CIB3: variants seen among roughly 807,000 people sequenced by gnomAD.
The protein encoded by CIB3 is calcium and integrin binding family member 3, also known as calcium and integrin-binding family member 3.
CIB3 carries 22 observed loss-of-function variants against 23.4 expected under a neutral mutation model. The ratio of observed to expected loss-of-function variants is 0.94; its 90% confidence interval spans 0.67 to 1.34. The LOEUF (loss-of-function observed/expected upper bound fraction) is 1.34. Ranked by LOEUF, CIB3 falls within the 40% of genes most tolerant of loss-of-function variation. The pLI is 0.00. For missense variants in CIB3, 258 were observed against 247.3 expected (o/e 1.04, Z -0.29); for synonymous variants, 93 against 95.8 (o/e 0.97, Z 0.17).
intron 4 of CIB3, among the ~76,000 whole-genome samples, chr19:16,165,532 C>T (rs1007377768): frequency 3.3e-5 from 5 of 151,958 alleles, no homozygotes; most frequent in Non-Finnish European, 7.4e-5. Flanking sequence ...CAACCTCCAC[C>T]TCCTGGGTTC....
At chr19:16,165,553 C>T (rs1034578900) in intron 4 of CIB3, among the ~76,000 whole-genome samples, 1 of 151,958 alleles carries the variant, frequency 6.6e-6, no homozygotes, top group Non-Finnish European at 1.5e-5. Flanking sequence ...AAGTGATTCT[C>T]CTGCCTCAGC....
At position 16,164,905 on chromosome 19, in the gene CIB3, T is replaced by C. The variant is rs140479002; in HGVS notation, c.355A>G (p.Asn119Asp). Residue 119 changes from asparagine to aspartate, a missense_variant, in exon 5 of 6, where the codon AAC (asparagine) becomes GAC (aspartate). Asn to Asp is a conservative substitution (Grantham distance 23). Transcript: ENST00000269878. ...TCCCACGCACAAATGTAGTCGTCGT[T>C]GTTAAAATCTGCAGAGCAGGATGGA... ...YYAFKIYDFNNDDYICAWDLE... is the reference protein window; with the variant it reads ...YYAFKIYDFNDDDYICAWDLE... 5.6e-5 allele frequency: 91 copies of C among 1,613,782 alleles called. No homozygotes were observed. Among genetic ancestry groups the C allele is most frequent in the South Asian group, 2.3e-4 (21 of 91,064 alleles).
chr19:16,172,998 GGAGA>G (rs1188414005), intron 2 of CIB3, among the ~76,000 whole-genome samples, 160 bp downstream of exon 2: 2 of 111,586 alleles, frequency 1.8e-5, no homozygotes, highest in Non-Finnish European at 3.8e-5. Flanking sequence ...AGGGAGGGAG[GGAGA>G]GAGAGAGAGA....
In CIB3 at chr19:16,169,731, G is replaced by A. The variant is rs375836179; in HGVS notation, c.97C>T (p.Arg33Cys). The A allele has an allele frequency of 2.4e-5, 39 of 1,608,940 alleles. No homozygotes were observed. The highest frequency in any genetic ancestry group is 3.1e-5 in the Non-Finnish European group (37 of 1,177,636). Residue 33 changes from arginine to cysteine, a missense_variant, in exon 3 of 6, where the codon CGC becomes TGC. Physicochemically the swap from Arg to Cys is radical, Grantham distance 180 (BLOSUM62 -3). Coordinates refer to ENST00000269878, the MANE Select transcript of CIB3 (RefSeq NM_054113.4). The stretch of plus-strand genomic sequence containing the variant: ...AGCTGTGGGGCCAGGTCCTGGTAGC[G>A]ATAGAAGAGCCTGATGTGGGGAGGA... ...TRKEIMRLFYRYQDLAPQLVP... is the reference protein window; with the variant it reads ...TRKEIMRLFYCYQDLAPQLVP...
At chr19:16,171,320 A>T (rs12710303) in intron 2 of CIB3, among the ~76,000 whole-genome samples, 1 of 151,906 alleles carries the variant, frequency 6.6e-6, no homozygotes, top group Non-Finnish European at 1.5e-5. Flanking sequence ...TATCCAGATT[A>T]TAAGGCCAGT....
intron 2 of CIB3, among the ~76,000 whole-genome samples, chr19:16,171,734 C>G (rs1463116006): frequency 6.6e-6 from 1 of 152,208 alleles, no homozygotes; most frequent in Non-Finnish European, 1.5e-5. Context: ...TCAGCCCCGC[C>G]CTGTCTGAGC....
chr19:16,169,750 G>T lies in CIB3; in HGVS notation c.87-9C>A. Reference sequence around the variant, plus strand: ...GGTAGCGATAGAAGAGCCTGATGTGGGGAGGAAAAAGCTGGGAAAGACTGG... The same window carrying T: ...GGTAGCGATAGAAGAGCCTGATGTGTGGAGGAAAAAGCTGGGAAAGACTGG... On this transcript the variant is annotated splice_polypyrimidine_tract_variant and intron_variant, in intron 2 of 5. Coordinates refer to ENST00000269878, the MANE Select transcript of CIB3 (RefSeq NM_054113.4). The T allele has an allele frequency of 6.3e-7, 1 of 1,591,140 alleles. No homozygotes were observed. The highest frequency in any genetic ancestry group is 8.5e-7 in the Non-Finnish European group (1 of 1,169,668).
chr19:16,162,950 G>A (rs1374822189), intron 5 of CIB3, among the ~76,000 whole-genome samples: 7 of 139,778 alleles, frequency 5.0e-5, no homozygotes, highest in African/African-American at 1.4e-4. Context: ...TGGCGCAATC[G>A]TGGCTCACTG....
At position 16,165,880 on chromosome 19, in the gene CIB3, C is replaced by G. The variant is rs554308016; in HGVS notation, c.347-967G>C. ...ACAGTAACTGATTTTCATTCACTCA[C>G]TCACTCAACAAGTATTTATTGAGTG... On this transcript the variant is annotated intron_variant, in intron 4 of 5. Transcript: ENST00000269878. Among the ~76,000 whole-genome samples, 3 of 152,326 alleles carry G rather than the reference C, an allele frequency of 2.0e-5. No individual in the cohort carries two copies. In the South Asian group the frequency reaches 6.2e-4, roughly 32 times the overall value.
intron 5 of CIB3, among the ~76,000 whole-genome samples, chr19:16,162,649 G>A (rs1258572146): frequency 6.6e-6 from 1 of 151,666 alleles, no homozygotes; most frequent in Non-Finnish European, 1.5e-5. Flanking sequence ...AGATACTCGG[G>A]AGGCTGAGGC....
At position 16,164,795 on chromosome 19, in the gene CIB3, C is replaced by G; in HGVS notation, c.465G>C (p.Glu155Asp). ...VSLVCEKVLDEADGDHDGRLS... is the reference protein window; with the variant it reads ...VSLVCEKVLDDADGDHDGRLS... The stretch of plus-strand genomic sequence containing the variant: ...GCCGCCCATCATGGTCTCCATCAGC[C>G]TCATCCAGCACCTTCTCACATACCA... The change falls in exon 5 of 6, where the codon GAG becomes GAC. Residue 155 changes from glutamate (E) to aspartate (D), a missense_variant. By Grantham distance (45) the Glu-to-Asp change is conservative. Coordinates refer to ENST00000269878, the MANE Select transcript of CIB3 (RefSeq NM_054113.4). The G allele has an allele frequency of 6.2e-7, 1 of 1,614,070 alleles. No individual in the cohort carries two copies. Among genetic ancestry groups the G allele is most frequent in the Non-Finnish European group, 8.5e-7 (1 of 1,180,012 alleles).
At chr19:16,162,331 G>C (rs2091288045) in intron 5 of CIB3, among the ~76,000 whole-genome samples, 1 of 152,112 alleles carries the variant, frequency 6.6e-6, no homozygotes, top group Non-Finnish European at 1.5e-5. Context: ...GGCTGAGGTG[G>C]GAGGATTGCT....
At chr19:16,164,381 G>C (rs903714631) in intron 5 of CIB3, among the ~76,000 whole-genome samples, 1 of 152,188 alleles carries the variant, frequency 6.6e-6, no homozygotes, top group African/African-American at 2.4e-5. Context: ...TGGCCTATTG[G>C]CCGTACTTTG....
At chr19:16,162,023 T>C (rs1253938046) in intron 5 of CIB3, among the ~76,000 whole-genome samples, 1 of 151,998 alleles carries the variant, frequency 6.6e-6, no homozygotes, top group Non-Finnish European at 1.5e-5. Context: ...AGAAGGATAC[T>C]GAATGTTCTC....
At position 16,168,170 on chromosome 19, in the gene CIB3, C is replaced by T. The variant is rs752378532; in HGVS notation, c.313G>A (p.Asp105Asn). The change falls in exon 4 of 6, where the codon GAC becomes AAC. Residue 105 changes from aspartate (D) to asparagine (N), a missense_variant. By Grantham distance (23) the Asp-to-Asn change is conservative. Transcript: ENST00000269878. ...FSVMSEMAPR[D>N]LKAYYAFKIY... ...TTAAAAGCATAGTAAGCCTTGAGGT[C>T]GCGGGGAGCCATTTCACTCATCACG... 15 of 1,610,126 alleles carry T rather than the reference C, an allele frequency of 9.3e-6. No individual in the cohort carries two copies. The East Asian group carries it at 1.1e-4, about 12-fold the overall frequency.
At chr19:16,162,827 G>A (rs1031656589) in intron 5 of CIB3, among the ~76,000 whole-genome samples, 6 of 151,072 alleles carry the variant, frequency 4.0e-5, no homozygotes, top group African/African-American at 4.9e-5. Context: ...ACAGTGGCAC[G>A]TACCTGTAGT....
Position 16,161,466 on chromosome 19 carries a change from C to G in CIB3, c.563G>C (p.Ter188SerextTer9), listed in dbSNP as rs1195027431. 6.2e-7 allele frequency: 1 copy of G among 1,613,998 alleles called. No homozygotes were observed. The highest frequency in any genetic ancestry group is 8.5e-7 in the Non-Finnish European group (1 of 1,179,962). The change falls in exon 6 of 6, where the codon TGA (stop) becomes TCA (serine). Residue 188 changes from the stop codon to serine, a stop_lost. Transcript: ENST00000269878. ...TAGCTCGGCTCCTCTGTGGTGCCATCAGATTCGGATGTGGAAGGTGCTGTG... is the reference window on the plus strand; with the variant it reads ...TAGCTCGGCTCCTCTGTGGTGCCATGAGATTCGGATGTGGAAGGTGCTGTG... ...DFLSTFHIRI[*>S]
intron 4 of CIB3, 149 bp from the exon 5 acceptor site, chr19:16,165,062 G>A (rs1009759216): frequency 1.0e-5 from 7 of 669,160 alleles, no homozygotes; most frequent in African/African-American, 9.0e-5. Flanking sequence ...GGGAGGCTGA[G>A]GAGGGTGGAA....
chr19:16,167,413 G>A lies in CIB3; in HGVS notation c.346+724C>T, dbSNP rs535660136. On this transcript the variant is annotated intron_variant, in intron 4 of 5. Coordinates refer to ENST00000269878, the MANE Select transcript of CIB3 (RefSeq NM_054113.4). Reference sequence around the variant, plus strand: ...GTCTTCTCAGGGACAAAGTCAATAAGAAGTGAACAGGTCAAGGAACAAGAA... The same window carrying A: ...GTCTTCTCAGGGACAAAGTCAATAAAAAGTGAACAGGTCAAGGAACAAGAA... Among the ~76,000 whole-genome samples, 7 of 152,278 alleles carry A rather than the reference G, an allele frequency of 4.6e-5. No homozygotes were observed. The East Asian group carries it at 1.3e-3, about 29-fold the overall frequency.
Sources: allele counts gnomAD v4.1 joint callset (sites outside exome capture counted in the v4.1 genomes callset), GRCh38; gene constraint gnomAD v4.1.1; transcripts MANE v1.5; gene names NCBI Gene and HGNC (gene_info 2026-07-23, HGNC 2026-07-21).